The following TTLL3 variants were observed in gnomAD, a reference collection of about 807,000 sequenced individuals.
TTLL3 encodes tubulin monoglycylase TTLL3.
In TTLL3, 63 loss-of-function variants were observed where a neutral mutation model predicts 75.2. That is an observed-to-expected ratio of 0.84 (90% CI 0.68 to 1.03). The LOEUF (loss-of-function observed/expected upper bound fraction) is 1.03, where lower values mean the gene tolerates loss of function less well. Ranked by LOEUF, TTLL3 falls within the 50% of genes least tolerant of loss-of-function variation. The probability of loss-of-function intolerance (pLI) is 0.00; values close to 1 mark genes in which losing one functional copy is unlikely to be tolerated. For synonymous variants in TTLL3, 393 were observed against 418.5 expected (o/e 0.94, Z 0.74); for missense variants, 997 against 1,069.9 (o/e 0.93, Z 0.95).
At chr3:9,810,207 C>A (rs924022664), upstream of TTLL3, 15 of 1,486,320 alleles carry the variant, frequency 1.0e-5, no homozygotes, top group African/African-American at 1.2e-4. The surrounding 1 kb of genome is among the most constrained non-coding windows in gnomAD (Gnocchi z 4.4). Flanking sequence ...CATGGGCCGG[C>A]CCTGCCTCCG....
rs987023633 is a variant in TTLL3, at chr3:9,818,833, C to G, written c.571C>G (p.Leu191Val). 1 of 1,614,112 alleles carries G rather than the reference C, an allele frequency of 6.2e-7. No individual in the cohort carries two copies. Among genetic ancestry groups the G allele is most frequent in the Non-Finnish European group, 8.5e-7 (1 of 1,179,976 alleles). Residue 191 changes from leucine to valine, a missense_variant, in exon 7 of 14, where the codon CTG becomes GTG. Physicochemically the swap from Leu to Val is conservative, Grantham distance 32. Transcript: ENST00000685419. Reference sequence around the variant, plus strand: ...TGGCCTGGGAGCAGAGGACTTCTGGCTGACTGCTGCCCGCAACGTTCTCAA... The same window carrying G: ...TGGCCTGGGAGCAGAGGACTTCTGGGTGACTGCTGCCCGCAACGTTCTCAA... ...DKKAFIEDFWLTAARNVLKLV... is the reference protein window; with the variant it reads ...DKKAFIEDFWVTAARNVLKLV...
At chr3:9,826,155 T>A (rs919986730) in intron 9 of TTLL3, among the ~76,000 whole-genome samples, 1 of 152,218 alleles carries the variant, frequency 6.6e-6, no homozygotes, top group Non-Finnish European at 1.5e-5. Context: ...AGGAGGATGA[T>A]AATACCTCCT....
upstream of TTLL3, chr3:9,809,955 C>G (rs1464756820): frequency 6.4e-5 from 10 of 156,792 alleles, no homozygotes; most frequent in Non-Finnish European, 8.6e-5. Flanking sequence ...GGCGGCGACG[C>G]GGAGGGGCGC....
chr3:9,816,031 C>T, intron 4 of TTLL3, 43 bp from the exon 5 acceptor site: 1 of 1,326,846 alleles, frequency 7.5e-7, no homozygotes, highest in Non-Finnish European at 1.0e-6. Flanking sequence ...GGCCCTGCTA[C>T]CCACACTGGC....
At chr3:9,810,067 G>A, upstream of TTLL3, 1 of 1,371,254 alleles carries the variant, frequency 7.3e-7, no homozygotes, top group East Asian at 3.1e-5. This position sits in a 1 kb window ranked among gnomAD's most constrained non-coding sequence, Gnocchi z 4.4. Flanking sequence ...CGGGCGCCGG[G>A]GCTCGGCCTC....
In TTLL3 at chr3:9,829,396, G is replaced by A. The variant is rs1370388840; in HGVS notation, c.1683+1G>A. Reference sequence around the variant, plus strand: ...AGCCTTTGAGCTCATCTATAAGCAGGTGAGGAGGTTGGGCCCAGGCAGGAC... The same window carrying A: ...AGCCTTTGAGCTCATCTATAAGCAGATGAGGAGGTTGGGCCCAGGCAGGAC... On this transcript the variant is annotated splice_donor_variant, in intron 11 of 13. Coordinates refer to ENST00000685419, the MANE Select transcript of TTLL3 (RefSeq NM_001387446.1). LOFTEE classifies it high-confidence loss of function. The A allele has an allele frequency of 5.2e-5, 82 of 1,582,706 alleles. No homozygotes were observed. Among genetic ancestry groups the A allele is most frequent in the Non-Finnish European group, 7.1e-5 (82 of 1,161,078 alleles).
chr3:9,829,163 A>G lies in TTLL3; in HGVS notation c.1451A>G (p.Asp484Gly). The G allele has an allele frequency of 1.9e-6, 3 of 1,614,212 alleles. No homozygotes were observed. The South Asian group carries it at 3.3e-5, about 18-fold the overall frequency. Residue 484 changes from aspartate (D) to glycine (G), a missense_variant, in exon 11 of 14, where the codon GAC becomes GGC. Coordinates refer to ENST00000685419, the MANE Select transcript of TTLL3 (RefSeq NM_001387446.1). Reference protein sequence around the residue: ...AVIHALQTSQDTVQCRKASFE... With the variant: ...AVIHALQTSQGTVQCRKASFE... ...ATCCACGCACTTCAGACCTCCCAGG[A>G]CACCGTGCAGTGTCGGAAGGCCAGC...
At chr3:9,820,384 G>T (rs571998058) in intron 7 of TTLL3, 162 bp from the exon 8 acceptor site, 148 of 1,496,086 alleles carry the variant, frequency 9.9e-5, no homozygotes, top group Non-Finnish European at 1.2e-4. Context: ...TGAATTTAGA[G>T]CAAAGCCTCA....
intron 5 of TTLL3, 142 bp downstream of exon 5, chr3:9,816,344 C>A: frequency 3.4e-6 from 3 of 881,538 alleles, no homozygotes; most frequent in Non-Finnish European, 4.6e-6. Flanking sequence ...TGGAGTCTGA[C>A]CAGTATCTGG....
intron 10 of TTLL3, chr3:9,827,544 A>G (rs943118711): frequency 1.0e-4 from 36 of 349,334 alleles, no homozygotes; most frequent in African/African-American, 7.3e-4. Context: ...CTGAGACCAC[A>G]GGCATGTACC....
chr3:9,811,119 C>T (rs965989904), intron 2 of TTLL3, among the ~76,000 whole-genome samples: 1 of 152,220 alleles, frequency 6.6e-6, no homozygotes, highest in South Asian at 2.1e-4. Context: ...AAAGGTTCCT[C>T]AGCCATTAGT....
In TTLL3 at chr3:9,835,090, C is replaced by T. The variant is rs375034198; in HGVS notation, c.2053-4C>T. ...TCCCTCTTCTCCCCTCCTTTCACAC[C>T]GAGGCTCCTGCTCTCCTGTGCCTCC... On this transcript the variant is annotated splice_polypyrimidine_tract_variant and splice_region_variant and intron_variant, in intron 13 of 13. Coordinates refer to ENST00000685419, the MANE Select transcript of TTLL3 (RefSeq NM_001387446.1). 2.6e-5 allele frequency: 42 copies of T among 1,601,900 alleles called. No individual in the cohort carries two copies. The highest frequency in any genetic ancestry group is 1.6e-4 in the East Asian group (7 of 44,728).
At chr3:9,818,672 A>G (rs2080122133) in intron 6 of TTLL3, 150 bp from the exon 7 acceptor site, 3 of 1,513,324 alleles carry the variant, frequency 2.0e-6, no homozygotes, top group Non-Finnish European at 2.6e-6. Flanking sequence ...CCAGCCTGAA[A>G]CAGGAGCAAG....
At chr3:9,818,779 C>G (rs1380425180) in intron 6 of TTLL3, 43 bp from the exon 7 acceptor site, 1 of 1,613,576 alleles carries the variant, frequency 6.2e-7, no homozygotes, top group South Asian at 1.1e-5. Flanking sequence ...GAACAGGCCT[C>G]AAGCCTAGGG....
intron 8 of TTLL3, among the ~76,000 whole-genome samples, chr3:9,824,540 A>G (rs2080828581): frequency 6.6e-6 from 1 of 151,898 alleles, no homozygotes; most frequent in African/African-American, 2.4e-5. Flanking sequence ...CCTCCTGAGT[A>G]GCTGGGATTA....
chr3:9,826,655 C>T (rs914636615), intron 9 of TTLL3, among the ~76,000 whole-genome samples: 1 of 149,072 alleles, frequency 6.7e-6, no homozygotes, highest in Non-Finnish European at 1.5e-5. Context: ...ATCACTTGAA[C>T]CCGGGAGGCG....
chr3:9,835,821 A>G lies in TTLL3; in HGVS notation c.*332A>G, dbSNP rs1421894417. ...AGGGGAAGGAATTGGCCTTGCCTAA[A>G]CCTCAGCCCTTCTGCAGAGGGCATG... On this transcript the variant is annotated 3_prime_UTR_variant, in exon 14 of 14. Transcript: ENST00000685419. The G allele has an allele frequency of 7.2e-6, 2 of 279,316 alleles. No individual in the cohort carries two copies. The highest frequency in any genetic ancestry group is 4.4e-5 in the African/African-American group (2 of 45,448). 17.3% of individuals were successfully genotyped at this position (279,316 alleles called of 1,614,324 possible).
intron 10 of TTLL3, 133 bp from the exon 11 acceptor site, chr3:9,828,825 TTC>T: frequency 8.7e-7 from 1 of 1,151,922 alleles, no homozygotes; most frequent in South Asian, 1.6e-5. Context: ...CTTTTTGTCC[TTC>T]CCAGTAGGGC....
intron 8 of TTLL3, 123 bp downstream of exon 8, chr3:9,820,864 A>G (rs2080345570): frequency 1.4e-6 from 2 of 1,448,706 alleles, no homozygotes; most frequent in East Asian, 2.5e-5. Context: ...TGTTCTGCTC[A>G]GGAACCCTCG....
Sources: allele counts gnomAD v4.1 joint callset (sites outside exome capture counted in the v4.1 genomes callset), GRCh38; gene constraint gnomAD v4.1.1; non-coding constraint Gnocchi (gnomAD v3.1); transcripts MANE v1.5; gene names NCBI Gene and HGNC (gene_info 2026-07-23, HGNC 2026-07-21).